The following MCFD2 variants were observed in gnomAD, a reference collection of about 807,000 sequenced individuals.
MCFD2 encodes multiple coagulation factor deficiency 2, ER cargo receptor complex subunit.
A neutral mutation model predicts 12.8 loss-of-function variants in MCFD2; 11 were observed. The observed-to-expected ratio is 0.86, with a 90% CI of 0.54 to 1.42. The LOEUF is 1.42. Among genes scored for constraint, MCFD2 ranks in the 40% most tolerant of loss-of-function variants. MCFD2 has a pLI of 0.00. For synonymous variants in MCFD2, 70 were observed against 68.1 expected, an observed-to-expected ratio of 1.03 and a Z score of -0.14; for missense variants, 191 against 178.6, an observed-to-expected ratio of 1.07 and a Z score of -0.40.
chr2:46,915,772 A>C lies in MCFD2; in HGVS notation c.-56T>G. 1 of 938,230 alleles carries C rather than the reference A, an allele frequency of 1.1e-6. No individual in the cohort carries two copies. The highest frequency in any genetic ancestry group is 1.3e-6 in the Non-Finnish European group (1 of 798,574). 58.1% of individuals were successfully genotyped at this position (938,230 alleles called of 1,614,324 possible). A position where few individuals can be genotyped will look rare whatever the true frequency, so the allele number is the denominator to read the frequency against. ...GAAGCCCTCCAACGTGAGCCTCACC[A>C]GCCCCCGTCCCCAAAACGCTCTTCC... On this transcript the variant is annotated 5_prime_UTR_variant, in exon 1 of 4. Coordinates refer to ENST00000319466, the MANE Select transcript of MCFD2 (RefSeq NM_139279.6).
At chr2:46,910,397 A>G (rs1668435253) in intron 1 of MCFD2, among the ~76,000 whole-genome samples, 1 of 152,198 alleles carries the variant, frequency 6.6e-6, no homozygotes, top group Admixed American at 6.5e-5. Context: ...CAACAGGCAA[A>G]ACAGATTCTG....
chr2:46,916,760 G>A (rs1316073877), upstream of MCFD2, among the ~76,000 whole-genome samples: 2 of 151,958 alleles, frequency 1.3e-5, no homozygotes. Context: ...TCAGCCTCCC[G>A]AGTAGCTGGG....
At chr2:46,927,640 A>G (rs1177898726) in intron 1 of MCFD2, among the ~76,000 whole-genome samples, 1 of 151,988 alleles carries the variant, frequency 6.6e-6, no homozygotes, top group Non-Finnish European at 1.5e-5. Flanking sequence ...GATTACAGGC[A>G]TGAGCTACCG....
At chr2:46,915,806 G>GGGGGGGGGGGGGGGGGGGGCCC, upstream of MCFD2, 1 of 512,582 alleles carries the variant, frequency 2.0e-6, no homozygotes, top group Non-Finnish European at 2.1e-6. Flanking sequence ...CCTCGGCTTC[G>GGGGGGGGGGGGGGGGGGGGCCC]CCCCGCCCCC....
intron 1 of MCFD2, among the ~76,000 whole-genome samples, chr2:46,927,884 G>GTTTTTTT (rs566447236): frequency 4.1e-5 from 3 of 73,306 alleles, no homozygotes; most frequent in African/African-American, 1.2e-4. Flanking sequence ...TTTTTTTGGT[G>GTTTTTTT]TTTTTTTTTT....
chr2:46,919,678 G>A (rs1307573632), upstream of MCFD2, among the ~76,000 whole-genome samples: 1 of 152,188 alleles, frequency 6.6e-6, no homozygotes, highest in East Asian at 1.9e-4. Context: ...TGGGCCCTGT[G>A]GTAATCTCTG....
In MCFD2 at chr2:46,904,904, A is replaced by G. The variant is rs1200976820; in HGVS notation, c.*559T>C. On this transcript the variant is annotated 3_prime_UTR_variant, in exon 4 of 4. Coordinates refer to ENST00000319466, the MANE Select transcript of MCFD2 (RefSeq NM_139279.6). ...TTGGCTATGTCCCCACCCAAATCTC[A>G]ACTTGAAATTGTATCTACCAGAATT... 3 of 192,502 alleles carry G rather than the reference A, an allele frequency of 1.6e-5. No individual in the cohort carries two copies. Among genetic ancestry groups the G allele is most frequent in the Admixed American group, 5.3e-5 (1 of 18,704 alleles). The allele number at this position is 192,502 out of a possible 1,614,324, so 11.9% of individuals were successfully genotyped here.
intron 1 of MCFD2, among the ~76,000 whole-genome samples, chr2:46,921,721 G>A (rs934013789): frequency 6.6e-6 from 1 of 152,164 alleles, no homozygotes; most frequent in Non-Finnish European, 1.5e-5. Flanking sequence ...GTTGGGGGAG[G>A]GACAATGGTT....
At position 46,907,827 on chromosome 2, in the gene MCFD2, T is replaced by A; in HGVS notation, c.292A>T (p.Thr98Ser). Residue 98 changes from threonine (T) to serine (S), a missense_variant, in exon 3 of 4, where the codon ACT becomes TCT. By Grantham distance (58) the Thr-to-Ser change is moderately conservative. Coordinates refer to ENST00000319466, the MANE Select transcript of MCFD2 (RefSeq NM_139279.6). This position sits in a 1 kb window ranked among gnomAD's most constrained non-coding sequence, Gnocchi z 4.1. ...AGACCTACCTCCTTATGGACATGAG[T>A]GATGGCTGTGGAGAGTTCTAAGCCA... ...LDGLELSTAI[T>S]HVHKEEGSEQ... 1.2e-6 allele frequency: 2 copies of A among 1,614,140 alleles called. No homozygotes were observed. Among genetic ancestry groups the A allele is most frequent in the Non-Finnish European group, 1.7e-6 (2 of 1,180,036 alleles).
chr2:46,919,331 C>G (rs2103795653), upstream of MCFD2, among the ~76,000 whole-genome samples: 1 of 152,256 alleles, frequency 6.6e-6, no homozygotes, highest in East Asian at 1.9e-4. Flanking sequence ...GTCAGGAGTT[C>G]GAGACCAGCC....
intron 1 of MCFD2, among the ~76,000 whole-genome samples, chr2:46,912,985 A>G (rs1049095685): frequency 5.3e-5 from 8 of 152,038 alleles, no homozygotes; most frequent in Non-Finnish European, 1.2e-4. Context: ...ATGTGATTGG[A>G]TGCTTAGTAT....
At chr2:46,928,193 T>C (rs1454688085) in intron 1 of MCFD2, among the ~76,000 whole-genome samples, 1 of 152,028 alleles carries the variant, frequency 6.6e-6, no homozygotes, top group Non-Finnish European at 1.5e-5. Context: ...CACCCAGCCT[T>C]GTATTAGTTT....
intron 1 of MCFD2, among the ~76,000 whole-genome samples, chr2:46,923,528 G>A (rs762447333): frequency 3.9e-5 from 6 of 152,222 alleles, no homozygotes; most frequent in Non-Finnish European, 5.9e-5. Flanking sequence ...CTAGCCATAT[G>A]TGAAAGTATC....
chr2:46,907,832 G>A lies in MCFD2; in HGVS notation c.287C>T (p.Ala96Val), dbSNP rs759679044. Residue 96 changes from alanine (A) to valine (V), a missense_variant, in exon 3 of 4, where the codon GCC becomes GTC. Transcript: ENST00000319466. The surrounding 1 kb of genome is among the most constrained non-coding windows in gnomAD (Gnocchi z 4.1). Reference sequence around the variant, plus strand: ...TACCTCCTTATGGACATGAGTGATGGCTGTGGAGAGTTCTAAGCCATCAAG... The same window carrying A: ...TACCTCCTTATGGACATGAGTGATGACTGTGGAGAGTTCTAAGCCATCAAG... The part of the protein sequence containing the change: ...NLLDGLELST[A>V]ITHVHKEEGS... The A allele has an allele frequency of 8.1e-6, 13 of 1,614,038 alleles. No homozygotes were observed. The highest frequency in any genetic ancestry group is 1.1e-5 in the Non-Finnish European group (13 of 1,180,036).
At chr2:46,913,042 A>C (rs114864348) in intron 1 of MCFD2, among the ~76,000 whole-genome samples, 4,580 of 152,276 alleles carry the variant, frequency 0.03, 245 homozygotes, top group African/African-American at 0.1. Context: ...TTCTATTTAG[A>C]TAACACCAAA....
Position 46,907,791 on chromosome 2 carries a change from A to G in MCFD2, c.309+19T>C. The G allele has an allele frequency of 6.2e-7, 1 of 1,613,760 alleles. No homozygotes were observed. The highest frequency in any genetic ancestry group is 8.5e-7 in the Non-Finnish European group (1 of 1,179,732). On this transcript the variant is annotated intron_variant, in intron 3 of 3. Coordinates refer to ENST00000319466, the MANE Select transcript of MCFD2 (RefSeq NM_139279.6). This position sits in a 1 kb window ranked among gnomAD's most constrained non-coding sequence, Gnocchi z 4.1. ...AAGCCTTTCTGTGATACAGTCCCCC[A>G]AGCCACTGCCAGACCTACCTCCTTA...
rs573987427 is a variant in MCFD2 at position 46,921,726 on chromosome 2, A to G, written c.-7-13757T>C. On this transcript the variant is annotated intron_variant, in intron 1 of 2. Coordinates refer to the MCFD2 transcript ENST00000409147. ...CATGGAAGTGGTTGGGGGAGGGACA[A>G]TGGTTTCAAAATGAAACTGTTCTAC... 1.4e-4 allele frequency among the ~76,000 whole-genome samples: 22 copies of G among 152,338 alleles called. No individual in the cohort carries two copies. In the South Asian group the frequency reaches 1.7e-3, roughly 11 times the overall value.
intron 1 of MCFD2, among the ~76,000 whole-genome samples, chr2:46,921,914 G>A (rs879347553): frequency 1.3e-5 from 2 of 152,188 alleles, no homozygotes; most frequent in African/African-American, 2.4e-5. Context: ...ATGCTCACTC[G>A]CCCACCCAGT....
Position 46,941,855 on chromosome 2 carries a change from C to T in MCFD2, c.-291G>A, listed in dbSNP as rs1380016683. 1.5e-5 allele frequency: 18 copies of T among 1,190,900 alleles called. No homozygotes were observed. The highest frequency in any genetic ancestry group is 3.0e-5 in the South Asian group (2 of 66,300). 73.8% of individuals were successfully genotyped at this position (1,190,900 alleles called of 1,614,324 possible). On this transcript the variant is annotated 5_prime_UTR_variant, in exon 1 of 3. Coordinates refer to the MCFD2 transcript ENST00000409147. This position sits in a 1 kb window ranked among gnomAD's most constrained non-coding sequence, Gnocchi z 4.2. The stretch of plus-strand genomic sequence containing the variant: ...CAGCCCACCGTGCTAGTCTTAAGAG[C>T]AGCCAGGGCAGTTAGGAAGGTCCTT...
Sources: allele counts gnomAD v4.1 joint callset (sites outside exome capture counted in the v4.1 genomes callset), GRCh38; gene constraint gnomAD v4.1.1; non-coding constraint Gnocchi (gnomAD v3.1); transcripts MANE v1.5; gene names NCBI Gene and HGNC (gene_info 2026-07-23, HGNC 2026-07-21).